Variants in ZBBX observed in about 807,000 individuals in gnomAD.
ZBBX encodes zinc finger B-box domain containing, also known as zinc finger B-box domain-containing protein 1.
ZBBX carries 101 observed loss-of-function variants against 108.5 expected under a neutral mutation model. That is an observed-to-expected ratio of 0.93 (90% CI 0.79 to 1.10). ZBBX has a LOEUF of 1.10. Among genes scored for constraint, ZBBX ranks in the 50% least tolerant of loss-of-function variants. The pLI, the probability that ZBBX is intolerant of heterozygous loss-of-function variation, is 0.00. For synonymous variants in ZBBX, 356 were observed against 323.4 expected, an observed-to-expected ratio of 1.10 and a Z score of -1.08; for missense variants, 1,009 against 941.4, an observed-to-expected ratio of 1.07 and a Z score of -0.94.
chr3:167,317,781 T>C (rs770254649), intron 12 of ZBBX, among the ~76,000 whole-genome samples, 184 bp from the exon 13 acceptor site: 4 of 151,860 alleles, frequency 2.6e-5, no homozygotes, highest in Non-Finnish European at 5.9e-5. Flanking sequence ...AAAAAAAAAC[T>C]GTGTAAATCA....
At chr3:167,234,186 T>C in the ZBBX span, among the ~76,000 whole-genome samples, 1 of 151,898 alleles carries the variant, frequency 6.6e-6, no homozygotes, top group East Asian at 1.9e-4. Flanking sequence ...CTGTAATTCC[T>C]GGCTCTACTG....
intron 13 of ZBBX, 130 bp from the exon 14 acceptor site, chr3:167,317,235 A>G: frequency 1.5e-6 from 1 of 674,106 alleles, no homozygotes; most frequent in South Asian, 2.4e-5. Flanking sequence ...AATACTGTCA[A>G]TTTTCCCAGT....
chr3:167,367,968 GTA>G (rs927024323), intron 5 of ZBBX, among the ~76,000 whole-genome samples: 3 of 21,902 alleles, frequency 1.4e-4, no homozygotes, highest in African/African-American at 4.3e-4. Context: ...TTATATATAT[GTA>G]TATATATATA....
At chr3:167,291,651 C>T (rs561666508) in intron 18 of ZBBX, among the ~76,000 whole-genome samples, 27 of 152,174 alleles carry the variant, frequency 1.8e-4, no homozygotes, top group African/African-American at 5.5e-4. Context: ...CATCCACTAA[C>T]GGGCAAAATA....
intron 8 of ZBBX, among the ~76,000 whole-genome samples, chr3:167,351,923 T>C (rs1290667007): frequency 6.6e-6 from 1 of 152,146 alleles, no homozygotes; most frequent in Non-Finnish European, 1.5e-5. Context: ...TTAGAGAATG[T>C]TCTGCCCTTC....
chr3:167,315,108 G>A (rs1193372381), intron 15 of ZBBX, among the ~76,000 whole-genome samples: 1 of 152,108 alleles, frequency 6.6e-6, no homozygotes, highest in Admixed American at 6.6e-5. Flanking sequence ...TCAAGAATTG[G>A]TAGAGGGGAT....
intron 1 of ZBBX, among the ~76,000 whole-genome samples, chr3:167,400,371 T>A (rs545849381): frequency 2.6e-5 from 4 of 152,246 alleles, no homozygotes; most frequent in African/African-American, 9.6e-5. Flanking sequence ...ACATCTGTAA[T>A]TTTTTGACTT....
chr3:167,298,211 G>T (rs1399106370), intron 18 of ZBBX, 94 bp downstream of exon 18: 9 of 1,021,826 alleles, frequency 8.8e-6, no homozygotes, highest in Non-Finnish European at 1.2e-5. Flanking sequence ...TTTTAGGCTG[G>T]CAAGAAGAAA....
At chr3:167,213,991 AC>A in the ZBBX span, among the ~76,000 whole-genome samples, 7 of 152,284 alleles carry the variant, frequency 4.6e-5, no homozygotes, top group South Asian at 1.5e-3. Context: ...ATTTTGAGGG[AC>A]TTCATTACCA....
intron 10 of ZBBX, among the ~76,000 whole-genome samples, chr3:167,332,270 AACAC>A (rs66694681): frequency 8.9e-5 from 12 of 135,338 alleles, no homozygotes; most frequent in Non-Finnish European, 1.6e-4. Context: ...TGAGGAGTTA[AACAC>A]ACACACACAC....
chr3:167,261,886 C>T (rs1269274115), intron 20 of ZBBX, among the ~76,000 whole-genome samples: 1 of 151,598 alleles, frequency 6.6e-6, no homozygotes, highest in Non-Finnish European at 1.5e-5. Context: ...CAGAAGGCTT[C>T]CCACCCCAAT....
intron 20 of ZBBX, among the ~76,000 whole-genome samples, chr3:167,270,270 T>C (rs1248215605): frequency 6.6e-6 from 1 of 152,174 alleles, no homozygotes; most frequent in Non-Finnish European, 1.5e-5. Context: ...AGGCATCGTG[T>C]ATTTACCCTT....
At chr3:167,220,623 G>T in the ZBBX span, among the ~76,000 whole-genome samples, 2 of 151,776 alleles carry the variant, frequency 1.3e-5, no homozygotes, top group African/African-American at 4.8e-5. Flanking sequence ...ACTCACAGCT[G>T]GTATCTATAC....
intron 20 of ZBBX, among the ~76,000 whole-genome samples, chr3:167,267,028 ACT>A (rs1725638325): frequency 6.6e-6 from 1 of 152,104 alleles, no homozygotes; most frequent in Non-Finnish European, 1.5e-5. Context: ...GACCAGGTAA[ACT>A]CTGTGCACAA....
At chr3:167,394,601 C>A (rs1402058561) in intron 1 of ZBBX, among the ~76,000 whole-genome samples, 6 of 151,658 alleles carry the variant, frequency 4.0e-5, no homozygotes, top group African/African-American at 1.5e-4. Context: ...TCTAATATTC[C>A]AAATCCTCTG....
chr3:167,271,819 TATTAATAGTAG>T, intron 20 of ZBBX, among the ~76,000 whole-genome samples: 1 of 152,212 alleles, frequency 6.6e-6, no homozygotes. Flanking sequence ...AAGTATTTGT[TATTAATAGTAG>T]ATCACCTCAC....
At chr3:167,239,128 G>A (rs959354075), downstream of ZBBX, among the ~76,000 whole-genome samples, 9 of 152,088 alleles carry the variant, frequency 5.9e-5, no homozygotes, top group Admixed American at 5.2e-4. Flanking sequence ...ACCCAGGGAA[G>A]ATATGATACT....
intron 18 of ZBBX, among the ~76,000 whole-genome samples, chr3:167,289,864 T>C (rs1171364974): frequency 1.3e-5 from 2 of 151,956 alleles, no homozygotes; most frequent in African/African-American, 4.8e-5. Context: ...AGCACAGCAG[T>C]CTGAGCTCAA....
chr3:167,351,602 C>G (rs547056085), intron 8 of ZBBX, among the ~76,000 whole-genome samples: 3 of 152,182 alleles, frequency 2.0e-5, no homozygotes, highest in African/African-American at 7.2e-5. Flanking sequence ...ATCTAGGAGC[C>G]CCATAGGCCT....
Sources: allele counts gnomAD v4.1 joint callset (sites outside exome capture counted in the v4.1 genomes callset), GRCh38; gene constraint gnomAD v4.1.1; transcripts MANE v1.5; gene names NCBI Gene and HGNC (gene_info 2026-07-23, HGNC 2026-07-21).